The following PRDM9 variants were observed in gnomAD, a reference collection of about 807,000 sequenced individuals.
PRDM9 encodes the protein histone-lysine N-methyltransferase PRDM9.
A neutral mutation model predicts 55.6 loss-of-function variants in PRDM9; 47 were observed. The ratio of observed to expected loss-of-function variants is 0.85; its 90% CI spans 0.67 to 1.08. The LOEUF (loss-of-function observed/expected upper bound fraction) is 1.08. Among genes scored for constraint, PRDM9 ranks in the 50% least tolerant of loss-of-function variants. The pLI, the probability that PRDM9 is intolerant of heterozygous loss-of-function variation, is 0.00. For synonymous variants in PRDM9, 312 were observed against 375.7 expected (o/e 0.83, Z 1.96); for missense variants, 867 against 1,040.3 (o/e 0.83, Z 2.29).
At chr5:23,510,584 C>T (rs553667065) in intron 4 of PRDM9, among the ~76,000 whole-genome samples, 41 of 151,778 alleles carry the variant, frequency 2.7e-4, no homozygotes, top group African/African-American at 9.9e-4. Context: ...TCTCAAATTC[C>T]TGGCCTCAAG....
intron 4 of PRDM9, among the ~76,000 whole-genome samples, chr5:23,512,651 TA>T (rs1739122132): frequency 6.6e-6 from 1 of 152,186 alleles, no homozygotes; most frequent in Non-Finnish European, 1.5e-5. Context: ...ATATAACATA[TA>T]TTTACTCTTC....
intron 4 of PRDM9, among the ~76,000 whole-genome samples, chr5:23,512,061 G>A (rs1180017937): frequency 6.6e-6 from 1 of 151,088 alleles, no homozygotes; most frequent in South Asian, 2.1e-4. Context: ...GTAAATCCAC[G>A]AAAAAGCTTT....
rs185750299 is a variant in PRDM9, at chr5:23,517,847, C to T, written c.302-34C>T. The T allele has an allele frequency of 1.3e-3, 2,043 of 1,537,326 alleles. 37 individuals carry two copies. The Admixed American group carries it at 0.032, about 24-fold the overall frequency. On this transcript the variant is annotated intron_variant, in intron 4 of 10. Coordinates refer to ENST00000296682, the MANE Select transcript of PRDM9 (RefSeq NM_020227.4). ...AATCTCTAGTGTTTGGAAACATTTACCAACCAAACCACTGATTTCTCATCA... is the reference window on the plus strand; with the variant it reads ...AATCTCTAGTGTTTGGAAACATTTATCAACCAAACCACTGATTTCTCATCA...
intron 9 of PRDM9, 109 bp from the exon 10 acceptor site, chr5:23,524,225 G>C: frequency 7.0e-7 from 1 of 1,422,768 alleles, no homozygotes; most frequent in Non-Finnish European, 9.9e-7. Flanking sequence ...TGGGGGAGTG[G>C]TCAGCACTAG....
intron 5 of PRDM9, among the ~76,000 whole-genome samples, chr5:23,519,304 C>T (rs1739280239): frequency 6.6e-6 from 1 of 152,194 alleles, no homozygotes; most frequent in African/African-American, 2.4e-5. Flanking sequence ...AAGCCATCCT[C>T]CCACCTTGGC....
Position 23,522,986 on chromosome 5 carries a change from A to G in PRDM9, c.882+101A>G, listed in dbSNP as rs1302159415. ...ACATGTTAGTATATAGGTAAGGATA[A>G]CATGGTTAGCTCTGTGTACTCAAGG... is the stretch of plus-strand genomic sequence containing the variant. On this transcript the variant is annotated intron_variant, in intron 8 of 10. Transcript: ENST00000296682. 1.9e-6 allele frequency: 3 copies of G among 1,588,398 alleles called. No individual in the cohort carries two copies. In the Admixed American group the frequency reaches 5.0e-5, roughly 26 times the overall value.
intron 5 of PRDM9, among the ~76,000 whole-genome samples, chr5:23,520,212 A>C (rs1579593015): frequency 6.6e-6 from 1 of 150,980 alleles, no homozygotes; most frequent in Admixed American, 6.6e-5. Flanking sequence ...TAAATATACA[A>C]AAATTAGCTG....
intron 10 of PRDM9, among the ~76,000 whole-genome samples, chr5:23,525,840 C>T (rs550079098): frequency 7.9e-5 from 12 of 152,258 alleles, no homozygotes; most frequent in African/African-American, 2.9e-4. Context: ...GGTCTCATGT[C>T]AGCAAAAGTG....
At chr5:23,511,893 A>G (rs1356508221) in intron 4 of PRDM9, among the ~76,000 whole-genome samples, 1 of 152,082 alleles carries the variant, frequency 6.6e-6, no homozygotes, top group East Asian at 1.9e-4. Flanking sequence ...CAGAATGTTG[A>G]CATTGGACTG....
chr5:23,527,624 C>T lies in PRDM9; in HGVS notation c.2536C>T (p.His846Tyr), dbSNP rs746736617. Residue 846 changes from histidine to tyrosine, a missense_variant, in exon 11 of 11, where the codon CAC (histidine) becomes TAC (tyrosine). Coordinates refer to ENST00000296682, the MANE Select transcript of PRDM9 (RefSeq NM_020227.4). Reference protein sequence around the residue: ...ECGRGFRNKSHLLRHQRTHTG... With the variant: ...ECGRGFRNKSYLLRHQRTHTG... ...TGGGCGGGGCTTTCGCAATAAGTCA[C>T]ACCTCCTCAGACACCAGAGGACACA... 1.4e-5 allele frequency: 21 copies of T among 1,484,556 alleles called. No individual in the cohort carries two copies. The highest frequency in any genetic ancestry group is 2.8e-5 in the East Asian group (1 of 35,964). The allele number at this position is 1,484,556 out of a possible 1,614,324, so 92.0% of individuals were successfully genotyped here. A position where few individuals can be genotyped will look rare whatever the true frequency, so the allele number is the denominator to read the frequency against.
intron 4 of PRDM9, among the ~76,000 whole-genome samples, chr5:23,510,458 A>C (rs1739072698): frequency 6.6e-6 from 1 of 151,644 alleles, no homozygotes; most frequent in Admixed American, 6.6e-5. Flanking sequence ...TTCCGGGTTA[A>C]ACAATTCTCC....
At chr5:23,514,100 C>T (rs1739153989) in intron 4 of PRDM9, among the ~76,000 whole-genome samples, 2 of 152,070 alleles carry the variant, frequency 1.3e-5, no homozygotes, top group South Asian at 4.1e-4. Context: ...TTTTCATTTC[C>T]CTGATGATTA....
Position 23,510,027 on chromosome 5 carries a change from G to A in PRDM9, c.301G>A (p.Val101Ile), listed in dbSNP as rs200629735. 71 of 1,585,406 alleles carry A rather than the reference G, an allele frequency of 4.5e-5. No individual in the cohort carries two copies. Among genetic ancestry groups the A allele is most frequent in the Non-Finnish European group, 5.5e-5 (64 of 1,155,234 alleles). The change falls in exon 4 of 11, where the codon GTC becomes ATC. Residue 101 changes from valine (V) to isoleucine (I), a missense_variant and splice_region_variant. Physicochemically the swap from Val to Ile is conservative, Grantham distance 29. Coordinates refer to ENST00000296682, the MANE Select transcript of PRDM9 (RefSeq NM_020227.4). Reference protein sequence around the residue: ...SDEEWTPRQQVKPPWMALRVE... With the variant: ...SDEEWTPRQQIKPPWMALRVE... ...TGAAGAATGGACCCCTAGGCAGCAA[G>A]GTAAGAGGGAAGGGAAGTAGGATTT...
At position 23,517,948 on chromosome 5, in the gene PRDM9, C is replaced by T; in HGVS notation, c.351+18C>T. 1 of 1,570,858 alleles carries T rather than the reference C, an allele frequency of 6.4e-7. No individual in the cohort carries two copies. The highest frequency in any genetic ancestry group is 8.8e-7 in the Non-Finnish European group (1 of 1,140,866). On this transcript the variant is annotated intron_variant, in intron 5 of 10. Transcript: ENST00000296682. ...ACCAGAAGGTAAGTATTTCCCAAAT[C>T]CTATTGACAAGAAACCTTCCTCATG...
chr5:23,513,664 G>A (rs1739143745), intron 4 of PRDM9, among the ~76,000 whole-genome samples: 2 of 152,052 alleles, frequency 1.3e-5, no homozygotes, highest in South Asian at 4.1e-4. Context: ...GGTGGATCAT[G>A]AGGTCAGGAG....
intron 6 of PRDM9, 79 bp from the exon 7 acceptor site, chr5:23,522,225 T>C: frequency 1.6e-6 from 2 of 1,229,958 alleles, no homozygotes; most frequent in Admixed American, 1.7e-5. Flanking sequence ...AATTTGATGG[T>C]AGATTTCACA....
chr5:23,524,483 T>A lies in PRDM9; in HGVS notation c.1100T>A (p.Ile367Asn), dbSNP rs1309239996. The change falls in exon 10 of 11, where the codon ATC becomes AAC. Residue 367 changes from isoleucine to asparagine, a missense_variant. Ile to Asn is a moderately radical substitution (Grantham distance 149, BLOSUM62 -3). Coordinates refer to ENST00000296682, the MANE Select transcript of PRDM9 (RefSeq NM_020227.4). The part of the protein sequence containing the change: ...YGDEYGQELG[I>N]KWGSKWKKEL... ...GATGAATACGGCCAGGAACTGGGCA[T>A]CAAGTGGGGCAGCAAGTGGAAGAAA... 9 of 1,613,688 alleles carry A rather than the reference T, an allele frequency of 5.6e-6. No individual in the cohort carries two copies. Among genetic ancestry groups the A allele is most frequent in the Non-Finnish European group, 7.6e-6 (9 of 1,179,862 alleles).
intron 1 of PRDM9, 46 bp from the exon 2 acceptor site, chr5:23,508,904 A>G: frequency 1.9e-6 from 2 of 1,041,062 alleles, no homozygotes; most frequent in Non-Finnish European, 2.9e-6. Flanking sequence ...GGTTCTGGGT[A>G]GTGCTCAGGG....
intron 4 of PRDM9, among the ~76,000 whole-genome samples, chr5:23,511,372 G>T (rs1739094514): frequency 6.6e-6 from 1 of 152,062 alleles, no homozygotes; most frequent in South Asian, 2.1e-4. Flanking sequence ...TTGAGATAGA[G>T]TCTCATTCTG....
Sources: allele counts gnomAD v4.1 joint callset (sites outside exome capture counted in the v4.1 genomes callset), GRCh38; gene constraint gnomAD v4.1.1; transcripts MANE v1.5; gene names NCBI Gene and HGNC (gene_info 2026-07-23, HGNC 2026-07-21).